FAM83G: variants seen among roughly 807,000 people sequenced by gnomAD.
FAM83G encodes protein FAM83G.
In FAM83G, 38 loss-of-function variants were observed where a neutral mutation model predicts 61.5. That is an observed-to-expected ratio of 0.62 (90% CI 0.48 to 0.81). The LOEUF (loss-of-function observed/expected upper bound fraction) is 0.81, where lower values mean the gene tolerates loss of function less well. Among genes scored for constraint, FAM83G ranks in the 30% least tolerant of loss-of-function variants. The probability of loss-of-function intolerance (pLI) is 0.00; values close to 1 mark genes in which losing one functional copy is unlikely to be tolerated. For missense variants in FAM83G, 989 were observed against 1,133.6 expected, an observed-to-expected ratio of 0.87 and a Z score of 1.83; for synonymous variants, 470 against 476.1, an observed-to-expected ratio of 0.99 and a Z score of 0.17.
intron 3 of FAM83G, among the ~76,000 whole-genome samples, chr17:18,982,886 T>G (rs1271258609): frequency 6.6e-6 from 1 of 152,176 alleles, no homozygotes; most frequent in Non-Finnish European, 1.5e-5. Context: ...ACGCCTCAGT[T>G]TTCTCATCTA....
rs1422079332 is a variant in FAM83G at position 18,979,668 on chromosome 17, G to A, written c.696C>T (p.Leu232=). 5.6e-6 allele frequency: 9 copies of A among 1,613,208 alleles called. No individual in the cohort carries two copies. The highest frequency in any genetic ancestry group is 7.6e-6 in the Non-Finnish European group (9 of 1,179,964). The change falls in exon 4 of 6, where the codon CTC becomes CTT. Residue 232 remains leucine (L), a synonymous_variant. Transcript: ENST00000388995. The part of the protein sequence containing the change: ...ACMHLGHLKN[L]RVRSSGGTEF... ...CAGTTCCCCCGCTGCTCCGCACTCT[G>A]AGATTCTGTTTTGGGAACCAAGAGA...
chr17:18,979,627 G>A lies in FAM83G; in HGVS notation c.737C>T (p.Ser246Leu), dbSNP rs371129276. 32 of 1,613,348 alleles carry A rather than the reference G, an allele frequency of 2.0e-5. No individual in the cohort carries two copies. Among genetic ancestry groups the A allele is most frequent in the Middle Eastern group, 1.6e-4 (1 of 6,074 alleles). Residue 246 changes from serine to leucine, a missense_variant, in exon 4 of 6, where the codon TCG (serine) becomes TTG (leucine). Transcript: ENST00000388995. ...SSGGTEFFTR[S>L]ATKFKGALAQ... ...CAGGGCACCCTTGAACTTGGTTGCC[G>A]ACCGCGTGAAGAACTCAGTTCCCCC...
rs1186530026 is a variant in FAM83G, at chr17:18,977,983, G to C, written c.1683C>G (p.Thr561=). 3 of 1,578,756 alleles carry C rather than the reference G, an allele frequency of 1.9e-6. No homozygotes were observed. The highest frequency in any genetic ancestry group is 1.8e-5 in the Admixed American group (1 of 55,392). ...HAPLQRQLSV[T]QDDPESLGVG... ...CCCCGAGGCTCTCGGGGTCATCCTG[G>C]GTCACAGATAGCTGCCGCTGGAGTG... The change falls in exon 5 of 6, where the codon ACC becomes ACG. Residue 561 remains threonine, a synonymous_variant. Transcript: ENST00000388995.
Position 18,977,823 on chromosome 17 carries a change from C to A in FAM83G, c.1843G>T (p.Val615Leu). The A allele has an allele frequency of 1.2e-6, 2 of 1,608,762 alleles. No individual in the cohort carries two copies. The highest frequency in any genetic ancestry group is 1.7e-5 in the Admixed American group (1 of 59,686). ...CTCACCTCGAAGTACTCCTCTGACA[C>A]AGAGGAAGCCACTGAGGGCCGTCGG... ...GPRRPSVASS[V>L]SEEYFEVREH... The change falls in exon 5 of 6, where the codon GTG becomes TTG. Residue 615 changes from valine to leucine, a missense_variant. Physicochemically the swap from Val to Leu is conservative, Grantham distance 32. Transcript: ENST00000388995.
Position 18,977,961 on chromosome 17 carries a change from C to T in FAM83G, c.1705G>A (p.Gly569Arg), listed in dbSNP as rs1335655197. ...SVTQDDPESL[G>R]VGLPNGLDGV... ...TCCAGCCCATTGGGGAGCCCCACCC[C>T]GAGGCTCTCGGGGTCATCCTGGGTC... Residue 569 changes from glycine to arginine, a missense_variant, in exon 5 of 6, where the codon GGG becomes AGG. Physicochemically the swap from Gly to Arg is moderately radical, Grantham distance 125 (BLOSUM62 -2). Transcript: ENST00000388995. 30 of 1,597,364 alleles carry T rather than the reference C, an allele frequency of 1.9e-5. No homozygotes were observed. The highest frequency in any genetic ancestry group is 1.8e-4 in the East Asian group (8 of 44,656).
chr17:19,003,059 C>T lies in FAM83G; in HGVS notation c.522+461G>A, dbSNP rs558684073. On this transcript the variant is annotated intron_variant, in intron 2 of 5. Transcript: ENST00000388995. The surrounding 1 kb of genome is among the most constrained non-coding windows in gnomAD (Gnocchi z 4.5). ...AACAGGCAGTGTTGAACAAGGACCT[C>T]CAGGCCAGTCTCAGATGGACTTGGA... is the stretch of plus-strand genomic sequence containing the variant. 4.9e-4 allele frequency among the ~76,000 whole-genome samples: 74 copies of T among 152,212 alleles called. No homozygotes were observed. Among genetic ancestry groups the T allele is most frequent in the African/African-American group, 1.7e-3 (70 of 41,550 alleles).
At chr17:19,002,084 C>CA (rs2043743010) in intron 2 of FAM83G, among the ~76,000 whole-genome samples, 1 of 152,176 alleles carries the variant, frequency 6.6e-6, no homozygotes, top group South Asian at 2.1e-4. Flanking sequence ...GCGGGTCTCT[C>CA]AGTCTGCAAA....
rs758694379 is a variant in FAM83G at position 18,971,432 on chromosome 17, G to A, written c.2399C>T (p.Thr800Met). ...CGATGAGGCCCACTGGCTACCGCCC[G>A]TCCTGGCCTTTAGGTGCTTCGACTG... ...LSQSKHLKAR[T>M]GGSQWASSDS... Residue 800 changes from threonine (T) to methionine (M), a missense_variant, in exon 6 of 6, where the codon ACG becomes ATG. Coordinates refer to ENST00000388995, the MANE Select transcript of FAM83G (RefSeq NM_001039999.3). The surrounding 1 kb of genome is among the most constrained non-coding windows in gnomAD (Gnocchi z 5.5). 8.7e-6 allele frequency: 14 copies of A among 1,613,762 alleles called. No individual in the cohort carries two copies. Among genetic ancestry groups the A allele is most frequent in the South Asian group, 3.3e-5 (3 of 91,080 alleles).
chr17:18,980,212 A>G (rs1012654287), intron 3 of FAM83G, among the ~76,000 whole-genome samples: 2 of 151,998 alleles, frequency 1.3e-5, no homozygotes, highest in African/African-American at 4.8e-5. Flanking sequence ...TGTGCTTCTC[A>G]ACACCCCTGT....
intron 2 of FAM83G, among the ~76,000 whole-genome samples, chr17:19,001,853 T>G (rs2043737032): frequency 6.6e-6 from 1 of 152,328 alleles, no homozygotes; most frequent in East Asian, 1.9e-4. Context: ...GCCTCCTTCC[T>G]GTCGCTGACA....
chr17:18,995,799 T>C (rs910031002), intron 2 of FAM83G, among the ~76,000 whole-genome samples: 41 of 151,836 alleles, frequency 2.7e-4, no homozygotes, highest in African/African-American at 9.9e-4. Context: ...TCCCAGCTAC[T>C]TGGGAGGCTG....
intron 5 of FAM83G, chr17:18,976,939 C>T: frequency 6.2e-7 from 1 of 1,613,452 alleles, no homozygotes; most frequent in Non-Finnish European, 8.5e-7. Context: ...AAGATGCTCC[C>T]CATGGGCCTG....
At position 18,971,837 on chromosome 17, in the gene FAM83G, C is replaced by A; in HGVS notation, c.2083-89G>T. ...CCCTGCTCAGGCACACAGGAGCCGG[C>A]AGGCCCGGGTTCGCCTCCTGGCTCT... On this transcript the variant is annotated intron_variant, in intron 5 of 5. Transcript: ENST00000388995. This position sits in a 1 kb window ranked among gnomAD's most constrained non-coding sequence, Gnocchi z 5.5. 1 of 1,442,684 alleles carries A rather than the reference C, an allele frequency of 6.9e-7. No individual in the cohort carries two copies. Among genetic ancestry groups the A allele is most frequent in the Non-Finnish European group, 9.2e-7 (1 of 1,082,476 alleles). 89.4% of individuals were successfully genotyped at this position (1,442,684 alleles called of 1,614,324 possible). A position where few individuals can be genotyped will look rare whatever the true frequency, so the allele number is the denominator to read the frequency against.
Position 19,004,178 on chromosome 17 carries a change from A to G in FAM83G, c.-128-9T>C, listed in dbSNP as rs2043815330. The G allele has an allele frequency of 1.4e-5, 12 of 831,390 alleles. No homozygotes were observed. The South Asian group carries it at 2.3e-4, about 16-fold the overall frequency. The allele number at this position is 831,390 out of a possible 1,614,324, so 51.5% of individuals were successfully genotyped here. A position where few individuals can be genotyped will look rare whatever the true frequency, so the allele number is the denominator to read the frequency against. ...CTCTGCCCATGAGCAATCTGCGGGA[A>G]AGACCTGATGAGCCCGGCTCGGCGG... On this transcript the variant is annotated splice_polypyrimidine_tract_variant and intron_variant, in intron 1 of 5. Coordinates refer to ENST00000388995, the MANE Select transcript of FAM83G (RefSeq NM_001039999.3). This position sits in a 1 kb window ranked among gnomAD's most constrained non-coding sequence, Gnocchi z 5.4.
At chr17:19,001,865 G>A (rs1481940692) in intron 2 of FAM83G, among the ~76,000 whole-genome samples, 1 of 152,220 alleles carries the variant, frequency 6.6e-6, no homozygotes, top group Non-Finnish European at 1.5e-5. Context: ...TCGCTGACAA[G>A]GAGGGGAGGC....
At chr17:18,979,419 C>A in intron 4 of FAM83G, 130 bp downstream of exon 4, 1 of 1,145,884 alleles carries the variant, frequency 8.7e-7, no homozygotes, top group Non-Finnish European at 1.2e-6. Context: ...CAGATGTGCT[C>A]CAGCCCTGCG....
rs745566884 is a variant in FAM83G at position 18,978,505 on chromosome 17, T to C, written c.1161A>G (p.Glu387=). 5.6e-6 allele frequency: 9 copies of C among 1,612,806 alleles called. No individual in the cohort carries two copies. Among genetic ancestry groups the C allele is most frequent in the South Asian group, 2.2e-5 (2 of 91,040 alleles). The part of the protein sequence containing the change: ...KGPALAEHPG[E]LPELLPPIHP... ...GGATGGGTGGCAGCAGCTCGGGGAGTTCCCCTGGATGCTCAGCCAGCGCTG... is the reference window on the plus strand; with the variant it reads ...GGATGGGTGGCAGCAGCTCGGGGAGCTCCCCTGGATGCTCAGCCAGCGCTG... Residue 387 remains glutamate, a synonymous_variant, in exon 5 of 6, where the codon GAA becomes GAG. Transcript: ENST00000388995.
Position 18,988,235 on chromosome 17 carries a change from G to C in FAM83G, c.690+12C>G. On this transcript the variant is annotated intron_variant, in intron 3 of 5. Transcript: ENST00000388995. ...CCCTCCAGCCACCCAGGCAAGTGAG[G>C]AGCCTGCTCACCTTGAGGTGCCCCA... 1.9e-6 allele frequency: 3 copies of C among 1,603,772 alleles called. No individual in the cohort carries two copies. Among genetic ancestry groups the C allele is most frequent in the Non-Finnish European group, 2.6e-6 (3 of 1,171,906 alleles).
chr17:18,997,779 C>T (rs2043604055), intron 2 of FAM83G, among the ~76,000 whole-genome samples: 1 of 152,202 alleles, frequency 6.6e-6, no homozygotes, highest in Admixed American at 6.5e-5. Flanking sequence ...CAGAGAGAAG[C>T]TCTCAGGACA....
Sources: allele counts gnomAD v4.1 joint callset (sites outside exome capture counted in the v4.1 genomes callset), GRCh38; gene constraint gnomAD v4.1.1; non-coding constraint Gnocchi (gnomAD v3.1); transcripts MANE v1.5; gene names NCBI Gene and HGNC (gene_info 2026-07-23, HGNC 2026-07-21).